DMRT1: variants seen among roughly 807,000 people sequenced by gnomAD.
DMRT1 encodes doublesex- and mab-3-related transcription factor 1.
Under a neutral mutation model 32.3 loss-of-function variants are expected in DMRT1, and 7 were observed. The observed-to-expected ratio is 0.22, with a 90% CI of 0.12 to 0.41. The LOEUF is 0.41. DMRT1 is among the 10% of genes least tolerant of loss of function. DMRT1 has a pLI of 1.00. For missense variants in DMRT1, 625 were observed against 500.5 expected (o/e 1.25, Z -2.37); for synonymous variants, 278 against 206.1 (o/e 1.35, Z -2.99).
chr9:873,016 T>C (rs923010217), intron 2 of DMRT1, among the ~76,000 whole-genome samples: 3 of 152,218 alleles, frequency 2.0e-5, no homozygotes, highest in Admixed American at 2.0e-4. Flanking sequence ...TCGGAAACAC[T>C]CACAGACACA....
chr9:953,221 G>A (rs781644456), intron 4 of DMRT1, among the ~76,000 whole-genome samples: 2 of 151,982 alleles, frequency 1.3e-5, no homozygotes, highest in Non-Finnish European at 2.9e-5. Flanking sequence ...GTATCTGACG[G>A]CCACCCCTTA....
At chr9:875,757 T>A (rs1002665529) in intron 2 of DMRT1, among the ~76,000 whole-genome samples, 12 of 149,848 alleles carry the variant, frequency 8.0e-5, no homozygotes, top group African/African-American at 3.0e-4. Flanking sequence ...TTGAGACACG[T>A]GCATGTGTGT....
intron 2 of DMRT1, among the ~76,000 whole-genome samples, chr9:883,757 A>G (rs1816822400): frequency 6.6e-6 from 1 of 151,556 alleles, no homozygotes; most frequent in Non-Finnish European, 1.5e-5. Context: ...ACACCACTGC[A>G]CTTCAGCCTG....
intron 2 of DMRT1, among the ~76,000 whole-genome samples, chr9:879,143 C>A (rs548630208): frequency 6.6e-6 from 1 of 152,124 alleles, no homozygotes; most frequent in East Asian, 1.9e-4. Flanking sequence ...CAAATCAGTC[C>A]CCCTAAAAAG....
intron 4 of DMRT1, among the ~76,000 whole-genome samples, chr9:920,500 G>A (rs180675179): frequency 6.6e-6 from 1 of 152,312 alleles, no homozygotes; most frequent in East Asian, 1.9e-4. Flanking sequence ...GACCTTCTGA[G>A]TGGTCACTTT....
At chr9:865,056 G>A (rs747377265) in intron 2 of DMRT1, among the ~76,000 whole-genome samples, 16 of 152,148 alleles carry the variant, frequency 1.1e-4, no homozygotes, top group African/African-American at 2.7e-4. Flanking sequence ...TAGAATGCAC[G>A]TTACCTTCAG....
chr9:919,087 G>C (rs1018603847), intron 4 of DMRT1, among the ~76,000 whole-genome samples: 1 of 152,198 alleles, frequency 6.6e-6, no homozygotes, highest in Non-Finnish European at 1.5e-5. Context: ...ATTCATTTGT[G>C]AGATATCGGC....
At chr9:966,717 G>A (rs759666646) in intron 4 of DMRT1, among the ~76,000 whole-genome samples, 3 of 152,148 alleles carry the variant, frequency 2.0e-5, no homozygotes, top group Non-Finnish European at 2.9e-5. Context: ...TTCCAAACCC[G>A]TAACGAGTGT....
intron 4 of DMRT1, among the ~76,000 whole-genome samples, chr9:941,676 T>C (rs1474439963): frequency 3.3e-5 from 5 of 152,080 alleles, no homozygotes; most frequent in Non-Finnish European, 5.9e-5. Context: ...ACTTAAAAAA[T>C]GGTTAGGATG....
intron 4 of DMRT1, among the ~76,000 whole-genome samples, chr9:926,135 C>G (rs1207883785): frequency 6.7e-6 from 1 of 150,276 alleles, no homozygotes. Flanking sequence ...TAAAAAAACT[C>G]AAAAGCAAAC....
chr9:847,000 G>T lies in DMRT1; in HGVS notation c.395G>T (p.Gly132Val). 1 of 1,614,138 alleles carries T rather than the reference G, an allele frequency of 6.2e-7. No homozygotes were observed. The highest frequency in any genetic ancestry group is 1.7e-5 in the Admixed American group (1 of 60,014). Residue 132 changes from glycine (G) to valine (V), a missense_variant, in exon 2 of 5, where the codon GGT becomes GTT. Gly to Val is a moderately radical substitution (Grantham distance 109). Around this residue, in one of 3 missense-constraint regions of DMRT1, gnomAD observed 416 missense variants for 321.6 expected, o/e 1.29. Coordinates refer to ENST00000382276, the MANE Select transcript of DMRT1 (RefSeq NM_021951.3). ...CAGCAGGCCCAGGAGGAGGAATTGG[G>T]TATCAGCCACCCCATCCCACTGCCC... is the stretch of plus-strand genomic sequence containing the variant. ...RRQQAQEEEL[G>V]ISHPIPLPSA... is the part of the protein sequence containing the mutation.
chr9:846,278 C>G (rs1838901268), intron 1 of DMRT1, among the ~76,000 whole-genome samples: 1 of 152,038 alleles, frequency 6.6e-6, no homozygotes, highest in Non-Finnish European at 1.5e-5. Flanking sequence ...GGTGATCGGC[C>G]CACCTCTGCC....
At chr9:860,220 C>T (rs952089122) in intron 2 of DMRT1, among the ~76,000 whole-genome samples, 2 of 152,102 alleles carry the variant, frequency 1.3e-5, no homozygotes, top group Admixed American at 6.6e-5. Context: ...TGGCTTGAAC[C>T]CTGGAGGCGG....
At chr9:893,859 T>C (rs1266280337) in intron 2 of DMRT1, 53 bp from the exon 3 acceptor site, 7 of 1,560,140 alleles carry the variant, frequency 4.5e-6, no homozygotes, top group African/African-American at 1.4e-5. Context: ...AAGTAAAGTT[T>C]CGTGGACTAA....
At chr9:855,198 A>C (rs773394459) in intron 2 of DMRT1, among the ~76,000 whole-genome samples, 76 of 152,154 alleles carry the variant, frequency 5.0e-4, no homozygotes, top group Admixed American at 2.6e-3. Context: ...ATAGTATTTT[A>C]ATAAAGCAAT....
At chr9:876,516 C>G (rs944843710) in intron 2 of DMRT1, among the ~76,000 whole-genome samples, 1 of 144,404 alleles carries the variant, frequency 6.9e-6, no homozygotes, top group African/African-American at 2.6e-5. Context: ...AGGTTGACTC[C>G]TCGTCAATAG....
At chr9:876,944 A>T (rs1816528318) in intron 2 of DMRT1, among the ~76,000 whole-genome samples, 1 of 152,026 alleles carries the variant, frequency 6.6e-6, no homozygotes, top group Non-Finnish European at 1.5e-5. Flanking sequence ...CCATGGTCCC[A>T]CTTCCAGTTA....
intron 2 of DMRT1, among the ~76,000 whole-genome samples, chr9:879,867 T>C (rs1315222274): frequency 1.3e-5 from 2 of 152,216 alleles, no homozygotes; most frequent in East Asian, 1.9e-4. Context: ...CAGTAAGTTA[T>C]GTACAACTTC....
At chr9:857,211 G>GT (rs1206975201) in intron 2 of DMRT1, among the ~76,000 whole-genome samples, 1 of 152,170 alleles carries the variant, frequency 6.6e-6, no homozygotes, top group Non-Finnish European at 1.5e-5. Context: ...GGAGGCAGAG[G>GT]TGGGAGAATT....
Sources: gnomAD v4.1 joint callset for allele counts (sites outside exome capture counted in the v4.1 genomes callset) on GRCh38, gnomAD v4.1.1 for gene constraint, gnomAD v4.1.1 regional missense constraint, MANE v1.5 for transcripts, NCBI Gene and HGNC (gene_info 2026-07-23, HGNC 2026-07-21) for gene names.